The following ATP1A2 variants were observed in gnomAD, a reference collection of about 807,000 sequenced individuals.
ATP1A2 encodes the protein ATPase Na+/K+ transporting subunit alpha 2.
A neutral mutation model predicts 113.1 loss-of-function variants in ATP1A2; 56 were observed. The ratio of observed to expected loss-of-function variants is 0.49; its 90% CI spans 0.40 to 0.62. The LOEUF is 0.62. ATP1A2 is among the 20% of genes least tolerant of loss of function. ATP1A2 has a pLI of 0.00. For synonymous variants in ATP1A2, 490 were observed against 526.8 expected, an observed-to-expected ratio of 0.93 and a Z score of 0.96; for missense variants, 712 against 1,357.8, an observed-to-expected ratio of 0.52 and a Z score of 7.47.
chr1:160,128,647 A>C lies in ATP1A2; in HGVS notation c.1018-5A>C, dbSNP rs776327796. 1.2e-6 allele frequency: 2 copies of C among 1,613,932 alleles called. No homozygotes were observed. The highest frequency in any genetic ancestry group is 1.1e-5 in the South Asian group (1 of 91,058). Reference sequence around the variant, plus strand: ...ACCTTTTTTATTCTCCTCTTTCTCTACCAGGTGTGCCTGACCCTGACAGCC... The same window carrying C: ...ACCTTTTTTATTCTCCTCTTTCTCTCCCAGGTGTGCCTGACCCTGACAGCC... On this transcript the variant is annotated splice_region_variant and splice_polypyrimidine_tract_variant and intron_variant, in intron 8 of 22. Transcript: ENST00000361216.
intron 1 of ATP1A2, among the ~76,000 whole-genome samples, chr1:160,119,571 A>G (rs1372406338): frequency 1.3e-5 from 2 of 152,096 alleles, no homozygotes; most frequent in South Asian, 2.1e-4. Context: ...ATCCTATTCT[A>G]TCACCCCAAG....
chr1:160,134,409 T>C (rs1651870215), intron 13 of ATP1A2, 75 bp from the exon 14 acceptor site: 1 of 1,608,092 alleles, frequency 6.2e-7, no homozygotes, highest in Non-Finnish European at 8.5e-7. Flanking sequence ...TAGCTTTCTC[T>C]TACTTTGGGA....
At position 160,136,303 on chromosome 1, in the gene ATP1A2, G is replaced by C; in HGVS notation, c.2496G>C (p.Gln832His). 1.2e-6 allele frequency: 2 copies of C among 1,614,204 alleles called. No homozygotes were observed. The highest frequency in any genetic ancestry group is 1.7e-6 in the Non-Finnish European group (2 of 1,180,032). Residue 832 changes from glutamine to histidine, a missense_variant, in exon 18 of 23, where the codon CAG (glutamine) becomes CAC (histidine). Physicochemically the swap from Gln to His is conservative, Grantham distance 24. This residue lies in a region of ATP1A2 where 188 missense variants were observed against 438.9 expected (regional missense o/e 0.43). Coordinates refer to ENST00000361216, the MANE Select transcript of ATP1A2 (RefSeq NM_000702.4). ...EAAESDIMKR[Q>H]PRNSQTDKLV... ...CTGAGAGTGATATCATGAAGCGGCA[G>C]CCACGAAACTCCCAGACGGACAAGC...
At chr1:160,124,788 C>T (rs1442264325) in intron 6 of ATP1A2, among the ~76,000 whole-genome samples, 1 of 152,174 alleles carries the variant, frequency 6.6e-6, no homozygotes, top group Non-Finnish European at 1.5e-5. Context: ...CACGTTGCAT[C>T]CTGAATGACC....
intron 7 of ATP1A2, among the ~76,000 whole-genome samples, chr1:160,127,100 A>G (rs905628296): frequency 1.3e-5 from 2 of 152,198 alleles, no homozygotes; most frequent in Non-Finnish European, 1.5e-5. Context: ...AATGTCACAC[A>G]AGGGTTAGCA....
chr1:160,141,443 A>T lies in ATP1A2; in HGVS notation c.*121A>T. The T allele has an allele frequency of 7.7e-7, 1 of 1,296,686 alleles. No homozygotes were observed. Among genetic ancestry groups the T allele is most frequent in the Non-Finnish European group, 1.1e-6 (1 of 897,830 alleles). The allele number at this position is 1,296,686 out of a possible 1,614,324, so 80.3% of individuals were successfully genotyped here. ...GGGTGGCAACATTTGGGGAGAGATA[A>T]TGAGGCAACTCAGCAGGCTAAGTTG... On this transcript the variant is annotated 3_prime_UTR_variant, in exon 23 of 23. Transcript: ENST00000361216.
intron 7 of ATP1A2, 22 bp from the exon 8 acceptor site, chr1:160,127,530 C>T (rs199647607): frequency 6.2e-7 from 1 of 1,613,928 alleles, no homozygotes; most frequent in African/African-American, 1.3e-5. Context: ...GGCACCCAAC[C>T]TGATGCCCCA....
chr1:160,141,495 C>A lies in ATP1A2; in HGVS notation c.*173C>A, dbSNP rs545204889. On this transcript the variant is annotated 3_prime_UTR_variant, in exon 23 of 23. Transcript: ENST00000361216. ...GGGGTATATAAATTGGGGTGATGAC[C>A]CCATAGACCTAACTGTGAACAATCA... is the stretch of plus-strand genomic sequence containing the variant. The A allele has an allele frequency of 4.7e-5, 36 of 760,568 alleles. No homozygotes were observed. In the African/African-American group the frequency reaches 5.5e-4, roughly 12 times the overall value. 47.1% of individuals were successfully genotyped at this position (760,568 alleles called of 1,614,324 possible).
At chr1:160,123,442 A>C in intron 4 of ATP1A2, 26 bp downstream of exon 4, 1 of 1,613,946 alleles carries the variant, frequency 6.2e-7, no homozygotes, top group South Asian at 1.1e-5. Context: ...CGACCCGGGA[A>C]CAGCCCGTGA....
intron 1 of ATP1A2, among the ~76,000 whole-genome samples, chr1:160,117,947 G>A (rs749818835): frequency 3.3e-5 from 5 of 152,110 alleles, no homozygotes; most frequent in Non-Finnish European, 7.4e-5. Context: ...GTTGGGGGAG[G>A]GAGGAGTGGA....
At chr1:160,139,307 C>T (rs1173054400) in intron 20 of ATP1A2, among the ~76,000 whole-genome samples, 1 of 152,108 alleles carries the variant, frequency 6.6e-6, no homozygotes, top group Non-Finnish European at 1.5e-5. Flanking sequence ...CTTTCATGGG[C>T]CCTGTGCCTG....
chr1:160,122,787 G>C (rs868279154), intron 3 of ATP1A2, among the ~76,000 whole-genome samples: 2 of 151,848 alleles, frequency 1.3e-5, no homozygotes, highest in Non-Finnish European at 2.9e-5. Context: ...GCACCACTGC[G>C]CTCCAGCCTG....
chr1:160,136,407 CAGG>C (rs1558008995), intron 18 of ATP1A2, 37 bp downstream of exon 18: 2 of 1,613,402 alleles, frequency 1.2e-6, no homozygotes, highest in Admixed American at 3.3e-5. Context: ...GGAACCCCAA[CAGG>C]GTTCTTTTCC....
At chr1:160,123,488 G>A (rs1558003589) in intron 4 of ATP1A2, 72 bp downstream of exon 4, 1 of 1,594,170 alleles carries the variant, frequency 6.3e-7, no homozygotes. Context: ...CACAGTGGGG[G>A]GTGGGCAGGG....
chr1:160,129,230 C>A (rs772571357), intron 10 of ATP1A2, 36 bp from the exon 11 acceptor site: 1 of 1,614,102 alleles, frequency 6.2e-7, no homozygotes, highest in Non-Finnish European at 8.5e-7. Flanking sequence ...TCCCTTCCCT[C>A]CCATGCTGAC....
chr1:160,126,717 T>G (rs945680035), intron 7 of ATP1A2, among the ~76,000 whole-genome samples: 9 of 152,148 alleles, frequency 5.9e-5, no homozygotes, highest in African/African-American at 2.2e-4. Flanking sequence ...GTGATCCTCC[T>G]GCCTCAGCCT....
In ATP1A2 at chr1:160,124,280, C is replaced by T; in HGVS notation, c.496-16C>T. 1 of 1,591,022 alleles carries T rather than the reference C, an allele frequency of 6.3e-7. No homozygotes were observed. The highest frequency in any genetic ancestry group is 1.1e-5 in the South Asian group (1 of 87,934). ...CAGAGACAAGCATTTCATGAGCTGC[C>T]TGTGGCTCCCCACAGCAAGCCCTTG... On this transcript the variant is annotated splice_polypyrimidine_tract_variant and intron_variant, in intron 5 of 22. Transcript: ENST00000361216.
intron 1 of ATP1A2, 46 bp downstream of exon 1, chr1:160,115,919 AG>A (rs772637490): frequency 3.1e-6 from 5 of 1,590,826 alleles, no homozygotes; most frequent in East Asian, 4.5e-5. Flanking sequence ...AGGGTGAGGG[AG>A]GCTGCTGAGG....
rs1023490586 is a variant in ATP1A2 at position 160,136,173 on chromosome 1, C to A, written c.2440-74C>A. The A allele has an allele frequency of 3.1e-6, 5 of 1,607,248 alleles. No individual in the cohort carries two copies. The Admixed American group carries it at 6.7e-5, about 21-fold the overall frequency. On this transcript the variant is annotated intron_variant, in intron 17 of 22. Transcript: ENST00000361216. Reference sequence around the variant, plus strand: ...TAACTGTGTCAACGATCGTCACTGTCGAAGATCAATTGCTTCTGTCATCTC... The same window carrying A: ...TAACTGTGTCAACGATCGTCACTGTAGAAGATCAATTGCTTCTGTCATCTC...
Sources: gnomAD v4.1 joint callset for allele counts (sites outside exome capture counted in the v4.1 genomes callset) on GRCh38, gnomAD v4.1.1 for gene constraint, gnomAD v4.1.1 regional missense constraint, MANE v1.5 for transcripts, NCBI Gene and HGNC (gene_info 2026-07-23, HGNC 2026-07-21) for gene names.